The following GON4L variants were observed in gnomAD, a reference collection of about 807,000 sequenced individuals.
GON4L encodes GON-4-like protein.
In GON4L, 87 loss-of-function variants were observed where a neutral mutation model predicts 211.8. The ratio of observed to expected loss-of-function variants is 0.41; its 90% CI spans 0.35 to 0.49. GON4L has a LOEUF of 0.49. GON4L is among the 20% of genes least tolerant of loss of function. GON4L has a pLI of 0.15. For synonymous variants in GON4L, 875 were observed against 962.6 expected, an observed-to-expected ratio of 0.91 and a Z score of 1.68; for missense variants, 2,155 against 2,659.5, an observed-to-expected ratio of 0.81 and a Z score of 4.17.
At chr1:155,745,458 T>G (rs1660221260), downstream of GON4L, among the ~76,000 whole-genome samples, 1 of 152,226 alleles carries the variant, frequency 6.6e-6, no homozygotes, top group South Asian at 2.1e-4. Flanking sequence ...CGGGGAGCTA[T>G]CAGCCAGCGG....
At chr1:155,808,902 A>T (rs1021683554) in intron 10 of GON4L, among the ~76,000 whole-genome samples, 3 of 152,090 alleles carry the variant, frequency 2.0e-5, no homozygotes, top group Non-Finnish European at 4.4e-5. Context: ...ATAAGCCACC[A>T]AACCGGACCC....
intron 24 of GON4L, among the ~76,000 whole-genome samples, chr1:155,759,055 G>A (rs1365634783): frequency 6.6e-6 from 1 of 151,952 alleles, no homozygotes; most frequent in Non-Finnish European, 1.5e-5. Flanking sequence ...GGAGTGTAGT[G>A]GAGCAATCAT....
At chr1:155,751,483 A>T (rs544731923) in intron 31 of GON4L, among the ~76,000 whole-genome samples, 1 of 152,304 alleles carries the variant, frequency 6.6e-6, no homozygotes, top group East Asian at 1.9e-4. Context: ...TGGGAGGTGG[A>T]GGTTGTAGTG....
At chr1:155,839,493 T>C (rs1670591071) in intron 2 of GON4L, among the ~76,000 whole-genome samples, 1 of 152,008 alleles carries the variant, frequency 6.6e-6, no homozygotes, top group South Asian at 2.1e-4. Context: ...TACTAAAAAA[T>C]ACAAAAATTA....
chr1:155,805,034 T>C lies in GON4L; in HGVS notation c.1560A>G (p.Pro520=), dbSNP rs1215041776. 1.9e-6 allele frequency: 3 copies of C among 1,613,482 alleles called. No individual in the cohort carries two copies. The highest frequency in any genetic ancestry group is 2.5e-6 in the Non-Finnish European group (3 of 1,179,456). ...EAELQAPDIT[P]DMYDPNTADD... is the part of the protein sequence containing the mutation. The stretch of plus-strand genomic sequence containing the variant: ...CTGCCGTATTGGGGTCATACATATC[T>C]GGAGTGATGTCTGGAGCTTGGAGCT... Residue 520 remains proline (P), a synonymous_variant, in exon 11 of 32, where the codon CCA becomes CCG. Transcript: ENST00000368331.
At chr1:155,764,972 A>G in intron 21 of GON4L, 28 bp downstream of exon 21, 3 of 1,614,134 alleles carry the variant, frequency 1.9e-6, no homozygotes, top group Non-Finnish European at 2.5e-6. Flanking sequence ...AGTCCACGAA[A>G]TACTTGAGAA....
At chr1:155,811,754 C>CAAAAAAAAAAAAAAAAAAA (rs145360103) in intron 10 of GON4L, among the ~76,000 whole-genome samples, 3 of 33,052 alleles carry the variant, frequency 9.1e-5, no homozygotes, top group African/African-American at 4.4e-4. Context: ...GACTCTGTCT[C>CAAAAAAAAAAAAAAAAAAA]AAAAAAAAAA....
Position 155,754,369 on chromosome 1 carries a change from C to T in GON4L, c.5631+6G>A. Reference sequence around the variant, plus strand: ...ATACCCTCGGGACCCTTGATACTTTCCTCACCTTGCTGCTACAGTGGCTAC... The same window carrying T: ...ATACCCTCGGGACCCTTGATACTTTTCTCACCTTGCTGCTACAGTGGCTAC... On this transcript the variant is annotated splice_donor_region_variant and intron_variant, in intron 28 of 31. Coordinates refer to ENST00000368331, the MANE Select transcript of GON4L (RefSeq NM_001282860.2). The T allele has an allele frequency of 6.4e-7, 1 of 1,563,082 alleles. No homozygotes were observed.
downstream of GON4L, chr1:155,748,769 G>A (rs1660352127): frequency 6.2e-7 from 1 of 1,613,874 alleles, no homozygotes; most frequent in Admixed American, 1.7e-5. Flanking sequence ...TGAGGGTATA[G>A]ACAGAGCATG....
intron 12 of GON4L, among the ~76,000 whole-genome samples, chr1:155,786,648 A>T (rs1279228870): frequency 6.6e-6 from 1 of 152,240 alleles, no homozygotes; most frequent in Non-Finnish European, 1.5e-5. Context: ...GAACATACCT[A>T]ACACATCTGT....
intron 10 of GON4L, among the ~76,000 whole-genome samples, chr1:155,808,330 C>A (rs1474231455): frequency 6.6e-6 from 1 of 152,168 alleles, no homozygotes; most frequent in East Asian, 1.9e-4. Flanking sequence ...TGAGCCACCA[C>A]ACTGGGCATC....
chr1:155,798,404 A>C (rs1165817104), intron 11 of GON4L, among the ~76,000 whole-genome samples: 1 of 146,820 alleles, frequency 6.8e-6, no homozygotes, highest in Non-Finnish European at 1.5e-5. Context: ...CTTCACAGCA[A>C]GTTCTTTTTT....
chr1:155,751,644 G>T, intron 31 of GON4L, 123 bp downstream of exon 31: 2 of 697,986 alleles, frequency 2.9e-6, no homozygotes, highest in East Asian at 2.7e-5. Context: ...CCTTTCCTTA[G>T]ATCAAACCTT....
chr1:155,748,092 G>A (rs1440851331), downstream of GON4L: 2 of 1,608,584 alleles, frequency 1.2e-6, no homozygotes, highest in East Asian at 4.5e-5. Flanking sequence ...CCTGCGACCT[G>A]AGCCACCTGT....
intron 14 of GON4L, among the ~76,000 whole-genome samples, chr1:155,780,397 G>A (rs1461874305): frequency 1.3e-5 from 2 of 151,750 alleles, no homozygotes; most frequent in South Asian, 2.1e-4. Context: ...TTCGAGACTA[G>A]CCTGGCTAAC....
chr1:155,782,109 T>A (rs1664480548), intron 14 of GON4L, among the ~76,000 whole-genome samples: 1 of 152,224 alleles, frequency 6.6e-6, no homozygotes, highest in Non-Finnish European at 1.5e-5. Context: ...GAAGCACAGA[T>A]AACTCACTTT....
chr1:155,794,349 G>A (rs972870698), intron 12 of GON4L, among the ~76,000 whole-genome samples: 2 of 152,178 alleles, frequency 1.3e-5, no homozygotes, highest in African/African-American at 4.8e-5. Context: ...TGGGATTACA[G>A]GCGTGAGCCA....
intron 11 of GON4L, among the ~76,000 whole-genome samples, chr1:155,799,177 G>GT (rs1666389249): frequency 6.6e-6 from 1 of 152,208 alleles, no homozygotes; most frequent in Non-Finnish European, 1.5e-5. Context: ...GCTCACGCCT[G>GT]TAATCCCAGC....
intron 2 of GON4L, among the ~76,000 whole-genome samples, chr1:155,832,294 A>G (rs1669863791): frequency 1.3e-5 from 2 of 151,200 alleles, no homozygotes; most frequent in East Asian, 1.9e-4. Flanking sequence ...AAAAAAAAAA[A>G]AAAAAAAAGA....
Sources: allele counts gnomAD v4.1 joint callset (sites outside exome capture counted in the v4.1 genomes callset), GRCh38; gene constraint gnomAD v4.1.1; transcripts MANE v1.5; gene names NCBI Gene and HGNC (gene_info 2026-07-23, HGNC 2026-07-21).